RASGEF1B: variants seen among roughly 807,000 people sequenced by gnomAD.
The protein encoded by RASGEF1B is ras-GEF domain-containing family member 1B.
RASGEF1B carries 30 observed loss-of-function variants against 65.7 expected under a neutral mutation model. The observed-to-expected ratio is 0.46, with a 90% confidence interval of 0.34 to 0.62. The LOEUF is 0.62. Ranked by LOEUF, RASGEF1B falls within the 20% of genes least tolerant of loss-of-function variation. The pLI, the probability that RASGEF1B is intolerant of heterozygous loss-of-function variation, is 0.01. For missense variants in RASGEF1B, 495 were observed against 580.1 expected, an observed-to-expected ratio of 0.85 and a Z score of 1.51; for synonymous variants, 175 against 194.8, an observed-to-expected ratio of 0.90 and a Z score of 0.85.
At chr4:81,448,837 T>C (rs1252131571) in intron 4 of RASGEF1B, among the ~76,000 whole-genome samples, 2 of 152,106 alleles carry the variant, frequency 1.3e-5, no homozygotes, top group African/African-American at 4.8e-5. Flanking sequence ...TTCTTTGAGA[T>C]GGAGTCTCAT....
chr4:81,456,388 T>G (rs111465598), intron 4 of RASGEF1B: 67 of 605,582 alleles, frequency 1.1e-4, no homozygotes, highest in African/African-American at 1.1e-3. Flanking sequence ...TAAAACATAC[T>G]TGCAACATAA....
chr4:81,468,934 T>A (rs762783163), intron 1 of RASGEF1B, among the ~76,000 whole-genome samples: 1 of 152,178 alleles, frequency 6.6e-6, no homozygotes, highest in African/African-American at 2.4e-5. Context: ...TGATTAGGGC[T>A]CCAGATCAAC....
chr4:81,464,797 C>T (rs550556095), intron 1 of RASGEF1B, among the ~76,000 whole-genome samples: 225 of 152,220 alleles, frequency 1.5e-3, no homozygotes, highest in African/African-American at 5.2e-3. Context: ...CATCAAGAAA[C>T]TCTTAGGCCA....
intron 4 of RASGEF1B, chr4:81,456,156 C>A: frequency 3.6e-6 from 1 of 278,046 alleles, no homozygotes; most frequent in Non-Finnish European, 6.7e-6. Context: ...TCCTGTCCTC[C>A]TCTACTCATT....
Position 81,459,327 on chromosome 4 carries a change from C to T in RASGEF1B, c.177+5G>A. 1 of 1,575,246 alleles carries T rather than the reference C, an allele frequency of 6.3e-7. No individual in the cohort carries two copies. Among genetic ancestry groups the T allele is most frequent in the Non-Finnish European group, 8.6e-7 (1 of 1,163,376 alleles). ...GATGTGTTTCAGAGAAACATGAATA[C>T]CTACATCTGGATAGTAATCCACATT... On this transcript the variant is annotated splice_donor_5th_base_variant and intron_variant, in intron 2 of 13. Transcript: ENST00000264400.
chr4:81,440,455 T>A (rs561692637), intron 10 of RASGEF1B, among the ~76,000 whole-genome samples: 1 of 152,314 alleles, frequency 6.6e-6, no homozygotes, highest in South Asian at 2.1e-4. Flanking sequence ...CTAATTCTTT[T>A]AAGAGAAAAG....
chr4:81,435,463 A>T (rs13134268), intron 10 of RASGEF1B, among the ~76,000 whole-genome samples: 36 of 78,348 alleles, frequency 4.6e-4, no homozygotes, highest in African/African-American at 1.8e-3. Context: ...GCAGGCACCG[A>T]TTTTTTTTTT....
intron 8 of RASGEF1B, among the ~76,000 whole-genome samples, chr4:81,442,908 G>A (rs1454275191): frequency 3.3e-5 from 5 of 152,130 alleles, no homozygotes; most frequent in South Asian, 2.1e-4. Flanking sequence ...TTTGACCCAC[G>A]GGTCATAGTT....
chr4:81,452,472 T>C (rs993037016), intron 4 of RASGEF1B: 3 of 152,188 alleles, frequency 2.0e-5, no homozygotes, highest in Non-Finnish European at 4.4e-5. Context: ...ATCAGGTTGT[T>C]AGCAAAAAAC....
intron 6 of RASGEF1B, among the ~76,000 whole-genome samples, 155 bp from the exon 7 acceptor site, chr4:81,445,993 CTTGA>C (rs1476829451): frequency 6.6e-6 from 1 of 152,246 alleles, no homozygotes; most frequent in Non-Finnish European, 1.5e-5. Flanking sequence ...CACTGGCATT[CTTGA>C]TTATCCTTAC....
intron 1 of RASGEF1B, among the ~76,000 whole-genome samples, chr4:81,465,604 A>C (rs961265561): frequency 3.9e-5 from 6 of 152,224 alleles, no homozygotes; most frequent in Non-Finnish European, 7.3e-5. Flanking sequence ...ATATGAATGG[A>C]TTTGAAAGGC....
chr4:81,466,781 A>AGAAAGAAAGAAG (rs1722838817), intron 1 of RASGEF1B, among the ~76,000 whole-genome samples: 1 of 141,630 alleles, frequency 7.1e-6, no homozygotes, highest in Non-Finnish European at 1.5e-5. Flanking sequence ...AAAGAAAGAA[A>AGAAAGAAAGAAG]GAAAGAAAGA....
intron 10 of RASGEF1B, 91 bp downstream of exon 10, chr4:81,440,743 G>T: frequency 1.3e-6 from 1 of 760,308 alleles, no homozygotes; most frequent in Non-Finnish European, 2.2e-6. Flanking sequence ...ATCTTAACAA[G>T]TAAAAAAACT....
intron 8 of RASGEF1B, among the ~76,000 whole-genome samples, chr4:81,443,435 G>T (rs1211363144): frequency 2.0e-5 from 3 of 152,072 alleles, no homozygotes; most frequent in African/African-American, 7.2e-5. Flanking sequence ...ACCCTCTTTG[G>T]TCACCTCCCC....
At chr4:81,431,036 G>A (rs1721412435) in intron 13 of RASGEF1B, among the ~76,000 whole-genome samples, 1 of 152,002 alleles carries the variant, frequency 6.6e-6, no homozygotes, top group Admixed American at 6.6e-5. Context: ...GATTAAAAAG[G>A]AGACATATGG....
chr4:81,434,022 G>T, intron 11 of RASGEF1B, 59 bp from the exon 12 acceptor site: 1 of 1,436,464 alleles, frequency 7.0e-7, no homozygotes, highest in East Asian at 2.3e-5. Flanking sequence ...TTATGAGTTT[G>T]GGAGAGGCAA....
chr4:81,429,465 T>C (rs10027259), intron 13 of RASGEF1B, among the ~76,000 whole-genome samples: 6 of 152,094 alleles, frequency 3.9e-5, no homozygotes, highest in African/African-American at 1.4e-4. Context: ...GGAAGGGAAG[T>C]GCTGGGTAGA....
At chr4:81,435,877 C>G (rs1380613747) in intron 10 of RASGEF1B, among the ~76,000 whole-genome samples, 1 of 148,262 alleles carries the variant, frequency 6.7e-6, no homozygotes, top group Non-Finnish European at 1.5e-5. Context: ...AACTCCTAGG[C>G]TCAAGCAATC....
intron 1 of RASGEF1B, among the ~76,000 whole-genome samples, chr4:81,462,293 T>A (rs985200353): frequency 1.3e-5 from 2 of 152,232 alleles, no homozygotes; most frequent in Non-Finnish European, 2.9e-5. Context: ...CTATACCACT[T>A]GCAGTATTTC....
Sources: gnomAD v4.1 joint callset for allele counts (sites outside exome capture counted in the v4.1 genomes callset) on GRCh38, gnomAD v4.1.1 for gene constraint, MANE v1.5 for transcripts, NCBI Gene and HGNC (gene_info 2026-07-23, HGNC 2026-07-21) for gene names.